Variants in TPM1 observed in about 807,000 individuals in gnomAD.
TPM1 encodes tropomyosin alpha-1 chain.
In TPM1, 24 loss-of-function variants were observed where a neutral mutation model predicts 42.9. That is an observed-to-expected ratio of 0.56 (90% confidence interval 0.41 to 0.79). TPM1 has a LOEUF of 0.79. Ranked by LOEUF, TPM1 falls within the 30% of genes least tolerant of loss-of-function variation. TPM1 has a pLI of 0.00. For synonymous variants in TPM1, 136 were observed against 130.1 expected, an observed-to-expected ratio of 1.05 and a Z score of -0.31; for missense variants, 158 against 351.8, an observed-to-expected ratio of 0.45 and a Z score of 4.41.
intron 9 of TPM1, chr15:63,065,439 C>G (rs1276266519): frequency 1.0e-6 from 1 of 985,152 alleles, no homozygotes; most frequent in Non-Finnish European, 1.2e-6. Context: ...TTATAGAATC[C>G]CCACAGTCAA....
At chr15:63,062,905 GTTTA>G (rs1053476490) in intron 8 of TPM1, 79 of 1,465,504 alleles carry the variant, frequency 5.4e-5, no homozygotes, top group Admixed American at 1.6e-4. Context: ...AGTGTGGCAG[GTTTA>G]TTTTTCACTG....
intron 7 of TPM1, 117 bp downstream of exon 7, chr15:63,062,394 G>T: frequency 2.3e-6 from 3 of 1,319,310 alleles, no homozygotes; most frequent in East Asian, 4.8e-5. Flanking sequence ...ATATTCAAAG[G>T]TCGCCTTGGA....
chr15:63,057,951 G>A (rs188184852), intron 3 of TPM1, among the ~76,000 whole-genome samples: 65 of 152,312 alleles, frequency 4.3e-4, no homozygotes, highest in Middle Eastern at 3.4e-3. Context: ...TGTCTGTGCT[G>A]TGACCTGGGC....
downstream of TPM1, among the ~76,000 whole-genome samples, chr15:63,068,465 C>G (rs1425379603): frequency 6.6e-6 from 1 of 152,198 alleles, no homozygotes; most frequent in Non-Finnish European, 1.5e-5. Context: ...AGCATCCTCC[C>G]ATGTCCTACC....
At chr15:63,052,628 G>C (rs1352857021) in intron 2 of TPM1, among the ~76,000 whole-genome samples, 1 of 152,126 alleles carries the variant, frequency 6.6e-6, no homozygotes, top group Non-Finnish European at 1.5e-5. Context: ...CAAATGCCTT[G>C]TTATTTATAT....
intron 1 of TPM1, 72 bp downstream of exon 1, chr15:63,043,015 C>G (rs2031482236): frequency 7.1e-7 from 1 of 1,406,984 alleles, no homozygotes; most frequent in Non-Finnish European, 9.8e-7. Context: ...CGGCTGGATC[C>G]CCACCCCGAG....
At chr15:63,068,800 G>A (rs564364267), downstream of TPM1, among the ~76,000 whole-genome samples, 9 of 152,218 alleles carry the variant, frequency 5.9e-5, no homozygotes, top group East Asian at 1.9e-4. Context: ...TGCAAGTTTC[G>A]TTCATTTTAT....
intron 1 of TPM1, chr15:63,043,664 G>C: frequency 2.0e-6 from 3 of 1,537,442 alleles, no homozygotes; most frequent in Non-Finnish European, 2.6e-6. Context: ...TCTAACACCC[G>C]GTCCGTGCCG....
intron 2 of TPM1, chr15:63,044,494 T>C (rs1466158248): frequency 1.6e-5 from 9 of 563,194 alleles, no homozygotes; most frequent in Non-Finnish European, 2.5e-5. Flanking sequence ...CCAAGGTTTG[T>C]GTAGAGAATG....
chr15:63,051,548 C>A (rs1292200387), intron 2 of TPM1, among the ~76,000 whole-genome samples: 1 of 148,334 alleles, frequency 6.7e-6, no homozygotes, highest in Non-Finnish European at 1.5e-5. Flanking sequence ...TTTTTTTTTT[C>A]CCCCCTTTCC....
intron 2 of TPM1, chr15:63,048,340 G>C (rs1003750873): frequency 1.8e-6 from 2 of 1,129,126 alleles, no homozygotes; most frequent in African/African-American, 3.4e-5. Context: ...CCAGTCCCGG[G>C]ATCCACGGCG....
At chr15:63,065,284 A>T in intron 9 of TPM1, 1 of 988,002 alleles carries the variant, frequency 1.0e-6, no homozygotes, top group Non-Finnish European at 1.2e-6. Context: ...TCTAACCTGG[A>T]ATGTTTCAGA....
chr15:63,061,866 T>TA (rs1299554402), intron 6 of TPM1, 78 bp downstream of exon 6: 3 of 1,261,192 alleles, frequency 2.4e-6, no homozygotes, highest in Admixed American at 1.8e-5. Flanking sequence ...AAGCAACACT[T>TA]ACAGTAGACA....
At chr15:63,043,172 G>T (rs2031548926) in intron 1 of TPM1, 1 of 570,534 alleles carries the variant, frequency 1.8e-6, no homozygotes, top group East Asian at 3.0e-5. Context: ...GGTTCCCATG[G>T]CCCGCGAAAT....
At chr15:63,047,911 T>G in intron 2 of TPM1, 1 of 205,728 alleles carries the variant, frequency 4.9e-6, no homozygotes, top group African/African-American at 2.4e-5. Flanking sequence ...GGAGCCAGAG[T>G]CAACCTAGGA....
chr15:63,063,975 G>T, intron 8 of TPM1, 89 bp from the exon 9 acceptor site: 1 of 1,558,274 alleles, frequency 6.4e-7, no homozygotes. Context: ...TGCTGTGTTG[G>T]GATGGTGCGC....
intron 5 of TPM1, chr15:63,061,262 G>A: frequency 6.2e-7 from 1 of 1,614,224 alleles, no homozygotes; most frequent in Middle Eastern, 1.6e-4. Flanking sequence ...ATTAATGGCT[G>A]CAGAGGATAA....
At chr15:63,070,324 G>GTA (rs1436355415), downstream of TPM1, 4 of 916,252 alleles carry the variant, frequency 4.4e-6, no homozygotes, top group African/African-American at 5.8e-5. Flanking sequence ...GTGTGTGTGT[G>GTA]TGTATATATT....
intron 9 of TPM1, chr15:63,065,236 C>G: frequency 1.0e-6 from 1 of 987,108 alleles, no homozygotes; most frequent in Non-Finnish European, 1.2e-6. Flanking sequence ...ATATTACTAA[C>G]CAAACTTAAA....
Sources: gnomAD v4.1 joint callset for allele counts (sites outside exome capture counted in the v4.1 genomes callset) on GRCh38, gnomAD v4.1.1 for gene constraint, MANE v1.5 for transcripts, NCBI Gene and HGNC (gene_info 2026-07-23, HGNC 2026-07-21) for gene names.